The following PALM2AKAP2 variants were observed in gnomAD, a reference collection of about 807,000 sequenced individuals.
PALM2AKAP2 encodes PALM2-AKAP2 fusion protein.
PALM2AKAP2 carries 37 observed loss-of-function variants against 71.5 expected under a neutral mutation model. That is an observed-to-expected ratio of 0.52 (90% confidence interval 0.40 to 0.68). The LOEUF (loss-of-function observed/expected upper bound fraction) is 0.68, where lower values mean the gene tolerates loss of function less well. PALM2AKAP2 is among the 30% of genes least tolerant of loss of function. PALM2AKAP2 has a pLI of 0.00. For missense variants in PALM2AKAP2, 1,224 were observed against 1,191.8 expected (o/e 1.03, Z -0.40); for synonymous variants, 468 against 478.8 (o/e 0.98, Z 0.29).
chr9:110,138,657 G>C (rs910377543), intron 2 of PALM2AKAP2, 118 bp downstream of exon 8: 1 of 1,432,314 alleles, frequency 7.0e-7, no homozygotes, highest in Non-Finnish European at 9.1e-7. Context: ...GTGTTGGGGG[G>C]ACACTGGCAT....
chr9:110,066,522 C>A (rs1834082857), intron 1 of PALM2AKAP2, among the ~76,000 whole-genome samples: 1 of 151,996 alleles, frequency 6.6e-6, no homozygotes. Flanking sequence ...CATAGTGAGA[C>A]CTTGTCTCTA....
chr9:109,814,990 T>C (rs1353891082), intron 1 of PALM2AKAP2, among the ~76,000 whole-genome samples: 2 of 152,054 alleles, frequency 1.3e-5, no homozygotes, highest in African/African-American at 4.8e-5. Flanking sequence ...TATGAAGTAA[T>C]TTGAATTGGG....
Position 110,115,311 on chromosome 9 carries a change from A to G in PALM2AKAP2, c.157-20816A>G, listed in dbSNP as rs539174117. ...CAGAATCACAGTCAGAACCAGGGTC[A>G]GGTCGTCAGTGTCAAGGGCAAATAT... On this transcript the variant is annotated intron_variant, in intron 1 of 3. Coordinates refer to ENST00000374525, the Ensembl canonical transcript of PALM2AKAP2. Among the ~76,000 whole-genome samples, 9 of 152,358 alleles carry G rather than the reference A, an allele frequency of 5.9e-5. No individual in the cohort carries two copies. In the South Asian group the frequency reaches 1.9e-3, roughly 32 times the overall value.
chr9:109,899,756 T>C (rs981299316), intron 3 of PALM2AKAP2, among the ~76,000 whole-genome samples: 4 of 152,236 alleles, frequency 2.6e-5, no homozygotes, highest in South Asian at 2.1e-4. Flanking sequence ...TTGGATCTAC[T>C]GTCCCTTCTC....
intron 3 of PALM2AKAP2, among the ~76,000 whole-genome samples, chr9:109,920,674 C>T (rs10217630): frequency 0.38 from 58,291 of 151,800 alleles, 12,143 homozygotes; most frequent in Non-Finnish European, 0.46. Context: ...TCATCGCAAC[C>T]GGCCCAAGAA....
At chr9:109,978,056 C>A (rs189039145) in intron 6 of PALM2AKAP2, among the ~76,000 whole-genome samples, 151 of 152,164 alleles carry the variant, frequency 9.9e-4, no homozygotes, top group African/African-American at 3.6e-3. Context: ...AGTGAAGGAG[C>A]ATTTCTAGAA....
At chr9:109,879,699 GTTTT>G (rs369185975) in intron 2 of PALM2AKAP2, among the ~76,000 whole-genome samples, 4 of 135,052 alleles carry the variant, frequency 3.0e-5, no homozygotes, top group South Asian at 2.3e-4. Context: ...GGGATGTATG[GTTTT>G]TTTTTTTTTT....
At chr9:109,655,241 C>G (rs146195230) in intron 1 of PALM2AKAP2, among the ~76,000 whole-genome samples, 2 of 147,190 alleles carry the variant, frequency 1.4e-5, no homozygotes, top group Non-Finnish European at 3.0e-5. Context: ...GCTTGCACCG[C>G]GTGAGCCGAG....
chr9:110,015,329 G>T (rs376002724), intron 6 of PALM2AKAP2, among the ~76,000 whole-genome samples: 1 of 152,170 alleles, frequency 6.6e-6, no homozygotes, highest in African/African-American at 2.4e-5. Context: ...AGAACAGAAG[G>T]GTGGCTTACA....
rs575679660 is a variant in PALM2AKAP2, at chr9:109,837,677, G to A, written c.46-29814G>A. 4.2e-4 allele frequency among the ~76,000 whole-genome samples: 64 copies of A among 152,108 alleles called. 1 individual carries two copies. The highest frequency in any genetic ancestry group is 3.4e-4 in the Non-Finnish European group (23 of 68,026). ...CACATAGGCTCAAAATAAAGGGATG[G>A]GGGAAGATCTACCAAGGAAATGGAA... On this transcript the variant is annotated intron_variant, in intron 1 of 9. Transcript: ENST00000302798.
upstream of PALM2AKAP2, among the ~76,000 whole-genome samples, chr9:109,777,358 C>G (rs1457689047): frequency 1.3e-5 from 2 of 152,162 alleles, no homozygotes; most frequent in African/African-American, 4.8e-5. Flanking sequence ...ATTCACCTTC[C>G]TTTTTGACTG....
In PALM2AKAP2 at chr9:109,706,878, A is replaced by G. The variant is rs539378723; in HGVS notation, c.5+66012A>G. Among the ~76,000 whole-genome samples the G allele has an allele frequency of 3.3e-5, 5 of 152,312 alleles. No individual in the cohort carries two copies. In the South Asian group the frequency reaches 8.3e-4, roughly 25 times the overall value. ...GTAAATCTAGAGAGGCAGAAGTTAGATTAGTGGTTTCCTAGAGCTGAGTGT... is the reference window on the plus strand; with the variant it reads ...GTAAATCTAGAGAGGCAGAAGTTAGGTTAGTGGTTTCCTAGAGCTGAGTGT... On this transcript the variant is annotated intron_variant, in intron 1 of 6. Transcript: ENST00000374531.
At chr9:109,640,984 C>A (rs1010911247) in intron 1 of PALM2AKAP2, 1 of 1,344,538 alleles carries the variant, frequency 7.4e-7, no homozygotes, top group Non-Finnish European at 9.7e-7. Flanking sequence ...TAATTTCAGC[C>A]CCGTGTGTAC....
chr9:110,135,164 A>AAAAAAAAAAAAAATATATATATATATAT lies in PALM2AKAP2; in HGVS notation c.157-962_157-961insAAAAAAAAAAAATATATATATATATATA. The stretch of plus-strand genomic sequence containing the variant: ...AACTCTGTCTCTACAAAAAAAAAAA[A>AAAAAAAAAAAAAATATATATATATATAT]ATATATAAATATATATATATATATA... On this transcript the variant is annotated intron_variant, in intron 1 of 3. Transcript: ENST00000374525. 1.5e-4 allele frequency among the ~76,000 whole-genome samples: 8 copies of AAAAAAAAAAAAAATATATATATATATAT among 51,720 alleles called. 1 individual carries two copies. The highest frequency in any genetic ancestry group is 2.6e-4 in the Non-Finnish European group (7 of 26,622). The allele number at this position is 51,720 out of a possible 152,430, so 33.9% of individuals were successfully genotyped here. A position where few individuals can be genotyped will look rare whatever the true frequency, so the allele number is the denominator to read the frequency against.
intron 1 of PALM2AKAP2, among the ~76,000 whole-genome samples, chr9:110,127,070 G>A (rs1288981404): frequency 6.6e-6 from 1 of 152,220 alleles, no homozygotes; most frequent in African/African-American, 2.4e-5. Flanking sequence ...AAGACAGAGA[G>A]AATAGCAGAA....
At chr9:109,892,611 T>G (rs1243359314) in intron 3 of PALM2AKAP2, among the ~76,000 whole-genome samples, 1 of 152,172 alleles carries the variant, frequency 6.6e-6, no homozygotes, top group Non-Finnish European at 1.5e-5. Flanking sequence ...AAGCTTGCCA[T>G]GAGGTTCAGA....
intron 7 of PALM2AKAP2, among the ~76,000 whole-genome samples, chr9:110,024,391 T>C (rs1385708872): frequency 2.0e-5 from 3 of 152,008 alleles, no homozygotes; most frequent in Middle Eastern, 3.2e-3. Flanking sequence ...TGTATCTGGC[T>C]TAGGATGATG....
At chr9:109,640,849 G>T (rs1323713965) in exon 1 of PALM2AKAP2, 46 of 1,516,840 alleles carry the variant, frequency 3.0e-5, no homozygotes, top group Middle Eastern at 4.1e-4. Flanking sequence ...GCACCCGGCC[G>T]CGGAGCCCCG....
At chr9:109,780,248 C>A, upstream of PALM2AKAP2, 1 of 1,125,968 alleles carries the variant, frequency 8.9e-7, no homozygotes, top group Non-Finnish European at 1.1e-6. Flanking sequence ...CCGGGAGATG[C>A]AGTGAGCGGC....
Sources: gnomAD v4.1 joint callset for allele counts (sites outside exome capture counted in the v4.1 genomes callset) on GRCh38, gnomAD v4.1.1 for gene constraint, MANE v1.5 for transcripts, NCBI Gene and HGNC (gene_info 2026-07-23, HGNC 2026-07-21) for gene names.